Variants in ARID1B observed in about 807,000 individuals in gnomAD.
The protein encoded by ARID1B is AT-rich interactive domain-containing protein 1B.
ARID1B carries 30 observed loss-of-function variants against 212.3 expected under a neutral mutation model. That is an observed-to-expected ratio of 0.14 (90% CI 0.11 to 0.19). ARID1B has a LOEUF of 0.19. Among genes scored for constraint, ARID1B ranks in the 10% least tolerant of loss-of-function variants. The pLI is 1.00. For synonymous variants in ARID1B, 1,402 were observed against 1,301.7 expected (o/e 1.08, Z -1.66); for missense variants, 2,891 against 3,204.0 (o/e 0.90, Z 2.36).
chr6:156,927,169 A>G (rs1791293181), intron 3 of ARID1B, among the ~76,000 whole-genome samples: 1 of 152,222 alleles, frequency 6.6e-6, no homozygotes, highest in South Asian at 2.1e-4. Flanking sequence ...ATTGTGGGGT[A>G]GTTTGAATCA....
intron 3 of ARID1B, among the ~76,000 whole-genome samples, chr6:156,920,865 T>TC (rs1012419173): frequency 3.9e-5 from 6 of 151,940 alleles, no homozygotes; most frequent in African/African-American, 1.4e-4. Context: ...TCTTTTCTTT[T>TC]TTTTTTTTGA....
chr6:157,177,780 G>A (rs1020993721), intron 11 of ARID1B, among the ~76,000 whole-genome samples: 1 of 152,172 alleles, frequency 6.6e-6, no homozygotes, highest in Non-Finnish European at 1.5e-5. Context: ...AAGTTTCACA[G>A]CAGTAGGATA....
chr6:157,063,438 G>A (rs1487696627), intron 4 of ARID1B, among the ~76,000 whole-genome samples: 1 of 152,164 alleles, frequency 6.6e-6, no homozygotes. Context: ...AAAAGCCAGT[G>A]CCTTTTCCAC....
intron 2 of ARID1B, among the ~76,000 whole-genome samples, chr6:156,842,878 G>A (rs958598129): frequency 6.6e-6 from 1 of 152,182 alleles, no homozygotes; most frequent in African/African-American, 2.4e-5. Context: ...CAGAGGTTAG[G>A]TAGCTTGCCC....
chr6:156,809,666 G>A (rs1211203508), intron 1 of ARID1B, among the ~76,000 whole-genome samples: 2 of 137,836 alleles, frequency 1.5e-5, no homozygotes, highest in African/African-American at 2.7e-5. Context: ...TGAGGCTCCT[G>A]TACCACCACC....
chr6:157,022,183 G>A (rs1780351519), intron 4 of ARID1B: 1 of 151,764 alleles, frequency 6.6e-6, no homozygotes, highest in African/African-American at 2.4e-5. Flanking sequence ...GGAGGGGCGG[G>A]GCCGGCGGGA....
intron 7 of ARID1B, among the ~76,000 whole-genome samples, chr6:157,137,976 C>A (rs1260274416): frequency 1.3e-5 from 2 of 152,012 alleles, no homozygotes; most frequent in Non-Finnish European, 1.5e-5. Context: ...ATATGTGTCT[C>A]ATAAGTTCAA....
At chr6:156,832,279 A>C (rs986023340) in intron 2 of ARID1B, among the ~76,000 whole-genome samples, 3 of 152,256 alleles carry the variant, frequency 2.0e-5, no homozygotes, top group African/African-American at 7.2e-5. Flanking sequence ...ATTTGTTCAC[A>C]AACAGGGTCC....
intron 2 of ARID1B, among the ~76,000 whole-genome samples, chr6:156,839,334 G>A (rs1390484061): frequency 1.3e-5 from 2 of 152,166 alleles, no homozygotes; most frequent in East Asian, 3.8e-4. Flanking sequence ...TAGCGTGCTG[G>A]CTCAGATCTC....
At chr6:157,025,138 A>T (rs1018633071) in intron 4 of ARID1B, among the ~76,000 whole-genome samples, 1 of 152,244 alleles carries the variant, frequency 6.6e-6, no homozygotes, top group African/African-American at 2.4e-5. Context: ...GACCTCCTCC[A>T]TAAGAAAAAT....
chr6:156,950,034 A>G (rs1793458660), intron 4 of ARID1B, among the ~76,000 whole-genome samples: 2 of 152,258 alleles, frequency 1.3e-5, no homozygotes, highest in African/African-American at 2.4e-5. Flanking sequence ...AAATATGTTG[A>G]TAATTCGGAA....
chr6:157,158,505 G>A (rs991080511), intron 8 of ARID1B, among the ~76,000 whole-genome samples: 7 of 152,142 alleles, frequency 4.6e-5, no homozygotes, highest in Non-Finnish European at 7.4e-5. Flanking sequence ...TAGATAGAAC[G>A]CATGTAAGAT....
intron 1 of ARID1B, among the ~76,000 whole-genome samples, chr6:156,807,801 A>G (rs896017227): frequency 2.6e-5 from 4 of 152,206 alleles, no homozygotes; most frequent in South Asian, 2.1e-4. Flanking sequence ...TCAGTTGTCT[A>G]AGCAGTCACT....
chr6:156,849,596 T>G (rs1784449177), intron 2 of ARID1B, among the ~76,000 whole-genome samples: 1 of 152,204 alleles, frequency 6.6e-6, no homozygotes, highest in African/African-American at 2.4e-5. Flanking sequence ...CGTTACAGTC[T>G]TTGCATGTTT....
intron 1 of ARID1B, 138 bp downstream of exon 1, chr6:156,779,609 C>G: frequency 1.1e-6 from 1 of 924,748 alleles, no homozygotes; most frequent in Non-Finnish European, 1.3e-6. Context: ...GCCATCTTGA[C>G]GGGCGGCCGC....
At chr6:157,006,456 A>G (rs535179520) in intron 4 of ARID1B, among the ~76,000 whole-genome samples, 142 of 152,324 alleles carry the variant, frequency 9.3e-4, no homozygotes, top group African/African-American at 3.1e-3. Context: ...AAATATCACT[A>G]CAGTATAGAG....
chr6:157,029,244 C>T (rs1780873889), intron 4 of ARID1B, among the ~76,000 whole-genome samples: 1 of 152,192 alleles, frequency 6.6e-6, no homozygotes, highest in African/African-American at 2.4e-5. Flanking sequence ...AAGCATGTAT[C>T]ACCAACCACA....
intron 1 of ARID1B, among the ~76,000 whole-genome samples, chr6:156,791,097 TAAG>T (rs1271116933): frequency 2.6e-5 from 4 of 152,352 alleles, no homozygotes; most frequent in African/African-American, 9.6e-5. Context: ...TTTCCCAGTC[TAAG>T]TAGTTTCATG....
chr6:156,919,290 AAT>A (rs1311139346), intron 3 of ARID1B, among the ~76,000 whole-genome samples: 1 of 152,178 alleles, frequency 6.6e-6, no homozygotes, highest in African/African-American at 2.4e-5. Flanking sequence ...GTGTTTTTTT[AAT>A]ATGTTTTGAA....
Sources: gnomAD v4.1 joint callset for allele counts (sites outside exome capture counted in the v4.1 genomes callset) on GRCh38, gnomAD v4.1.1 for gene constraint, MANE v1.5 for transcripts, NCBI Gene and HGNC (gene_info 2026-07-23, HGNC 2026-07-21) for gene names.